Variants in RAB38 observed in about 807,000 individuals in gnomAD.
The protein encoded by RAB38 is RAB38, member RAS oncogene family, also known as ras-related protein Rab-38.
In RAB38, 15 loss-of-function variants were observed where a neutral mutation model predicts 18.4. The ratio of observed to expected loss-of-function variants is 0.82; its 90% CI spans 0.55 to 1.26. RAB38 has a LOEUF of 1.26. RAB38 is among the 50% of genes most tolerant of loss of function. The pLI, the probability that RAB38 is intolerant of heterozygous loss-of-function variation, is 0.00. For synonymous variants in RAB38, 101 were observed against 104.4 expected (o/e 0.97, Z 0.20); for missense variants, 294 against 267.4 (o/e 1.10, Z -0.69).
the RAB38 span, among the ~76,000 whole-genome samples, chr11:87,963,415 A>G: frequency 6.6e-6 from 1 of 152,180 alleles, no homozygotes; most frequent in Admixed American, 6.6e-5. Flanking sequence ...CTATAATGCA[A>G]CATATACATA....
At chr11:88,127,493 G>T (rs903497046) in intron 2 of RAB38, among the ~76,000 whole-genome samples, 2 of 152,140 alleles carry the variant, frequency 1.3e-5, no homozygotes, top group Non-Finnish European at 1.5e-5. Context: ...AATAGTGGTG[G>T]TATAAGTGGG....
At chr11:88,135,173 C>T (rs2134801866) in intron 2 of RAB38, among the ~76,000 whole-genome samples, 1 of 152,292 alleles carries the variant, frequency 6.6e-6, no homozygotes, top group South Asian at 2.1e-4. Flanking sequence ...GCTTACTTCT[C>T]TTTTTACTCC....
chr11:87,887,259 T>C, the RAB38 span, among the ~76,000 whole-genome samples: 2 of 151,994 alleles, frequency 1.3e-5, no homozygotes, highest in South Asian at 2.1e-4. Context: ...AAAGTCTGCC[T>C]GACCTCACTG....
chr11:87,887,075 G>A, the RAB38 span, among the ~76,000 whole-genome samples: 1 of 151,968 alleles, frequency 6.6e-6, no homozygotes, highest in East Asian at 2.0e-4. Context: ...GCTAGGTGGT[G>A]TGCTAAGTGT....
At chr11:88,027,668 G>A in the RAB38 span, among the ~76,000 whole-genome samples, 1 of 131,550 alleles carries the variant, frequency 7.6e-6, no homozygotes, top group Admixed American at 6.9e-5. Flanking sequence ...CGAGGCTGGG[G>A]GAGGGGCGCC....
the RAB38 span, among the ~76,000 whole-genome samples, chr11:87,847,944 G>T: frequency 3.5e-4 from 53 of 152,114 alleles, no homozygotes; most frequent in African/African-American, 1.2e-3. Flanking sequence ...TTAACTACAG[G>T]CCAACAATTA....
the RAB38 span, among the ~76,000 whole-genome samples, chr11:88,102,786 G>C: frequency 6.6e-6 from 1 of 151,970 alleles, no homozygotes; most frequent in African/African-American, 2.4e-5. Context: ...AGTCAAATAG[G>C]CATGATGATA....
the RAB38 span, among the ~76,000 whole-genome samples, chr11:88,026,031 T>C: frequency 1.3e-5 from 2 of 151,894 alleles, no homozygotes; most frequent in South Asian, 2.1e-4. Flanking sequence ...ATGGCGCGAT[T>C]TTGGCTCACT....
chr11:87,909,298 G>A, the RAB38 span, among the ~76,000 whole-genome samples: 2 of 149,600 alleles, frequency 1.3e-5, no homozygotes, highest in African/African-American at 4.9e-5. Context: ...TTGCTAAAGC[G>A]TGGTTATATG....
At chr11:88,098,602 T>A in the RAB38 span, 1 of 151,930 alleles carries the variant, frequency 6.6e-6, no homozygotes, top group Admixed American at 6.6e-5. Context: ...GATCTTTCCA[T>A]TCTCTGTTTT....
At chr11:87,809,577 G>A in the RAB38 span, among the ~76,000 whole-genome samples, 4 of 152,038 alleles carry the variant, frequency 2.6e-5, no homozygotes, top group Non-Finnish European at 5.9e-5. Flanking sequence ...GGAAAAGACA[G>A]AAAATCTTAT....
At chr11:87,864,678 T>A in the RAB38 span, among the ~76,000 whole-genome samples, 1 of 151,790 alleles carries the variant, frequency 6.6e-6, no homozygotes, top group Non-Finnish European at 1.5e-5. Context: ...AGTGTCAGAC[T>A]AGAATATGAT....
chr11:88,052,862 C>A, the RAB38 span, among the ~76,000 whole-genome samples: 1 of 132,438 alleles, frequency 7.6e-6, no homozygotes, highest in South Asian at 2.3e-4. Context: ...AATTTTTATA[C>A]CTCTCATTAC....
chr11:88,159,309 A>G (rs1943161555), intron 1 of RAB38, among the ~76,000 whole-genome samples: 1 of 151,670 alleles, frequency 6.6e-6, no homozygotes, highest in Non-Finnish European at 1.5e-5. Context: ...GAGAACTATG[A>G]AACACTACTA....
the RAB38 span, among the ~76,000 whole-genome samples, chr11:88,026,177 C>T: frequency 5.3e-5 from 8 of 151,930 alleles, no homozygotes; most frequent in African/African-American, 1.9e-4. Flanking sequence ...GTTGGTCAGA[C>T]TGGTCTTAAA....
chr11:88,170,479 G>A (rs1943298451), intron 1 of RAB38, among the ~76,000 whole-genome samples: 1 of 152,148 alleles, frequency 6.6e-6, no homozygotes. Context: ...CCTATCTTTG[G>A]TTGAATTTCA....
At chr11:87,943,026 G>A in the RAB38 span, among the ~76,000 whole-genome samples, 1 of 152,036 alleles carries the variant, frequency 6.6e-6, no homozygotes, top group Admixed American at 6.6e-5. Context: ...GGTAATTCTC[G>A]CATAAGCCAA....
the RAB38 span, among the ~76,000 whole-genome samples, chr11:88,008,615 C>T: frequency 6.6e-6 from 1 of 152,156 alleles, no homozygotes; most frequent in Non-Finnish European, 1.5e-5. Flanking sequence ...AATATACTCT[C>T]CAGAAAGAAA....
At chr11:87,875,812 A>G in the RAB38 span, among the ~76,000 whole-genome samples, 2 of 151,646 alleles carry the variant, frequency 1.3e-5, no homozygotes, top group South Asian at 2.1e-4. Context: ...TTTTTTGCAT[A>G]TTGACCTTCT....
Sources: allele counts gnomAD v4.1 joint callset (sites outside exome capture counted in the v4.1 genomes callset), GRCh38; gene constraint gnomAD v4.1.1; transcripts MANE v1.5; gene names NCBI Gene and HGNC (gene_info 2026-07-23, HGNC 2026-07-21).